SPMAP2L: variants seen among roughly 807,000 people sequenced by gnomAD.
The protein encoded by SPMAP2L is sperm microtubule associated protein 2 like.
the SPMAP2L span, among the ~76,000 whole-genome samples, chr4:56,534,005 G>A: frequency 6.6e-6 from 1 of 151,984 alleles, no homozygotes; most frequent in Non-Finnish European, 1.5e-5. Flanking sequence ...AACGACAACA[G>A]CAAAATGCAC....
chr4:56,600,098 T>C, the SPMAP2L span, among the ~76,000 whole-genome samples: 1 of 62,292 alleles, frequency 1.6e-5, no homozygotes, highest in Non-Finnish European at 3.1e-5. Flanking sequence ...CTTTGCTTTC[T>C]TTTTTTTTTT....
chr4:56,567,380 C>T, the SPMAP2L span, among the ~76,000 whole-genome samples: 1 of 150,728 alleles, frequency 6.6e-6, no homozygotes, highest in Non-Finnish European at 1.5e-5. Flanking sequence ...GATTCTCCTG[C>T]CTCAGCCTCC....
the SPMAP2L span, among the ~76,000 whole-genome samples, chr4:56,597,220 A>G: frequency 5.9e-5 from 9 of 152,162 alleles, no homozygotes; most frequent in Admixed American, 3.9e-4. Flanking sequence ...AGTACATGCC[A>G]AAGTACTAAA....
chr4:56,600,233 G>A, the SPMAP2L span, among the ~76,000 whole-genome samples: 482 of 149,368 alleles, frequency 3.2e-3, 3 homozygotes, highest in African/African-American at 0.011. Context: ...ACAGGCACAA[G>A]CCATTGTGCT....
At chr4:56,605,853 A>G in the SPMAP2L span, among the ~76,000 whole-genome samples, 5 of 152,164 alleles carry the variant, frequency 3.3e-5, no homozygotes, top group Non-Finnish European at 7.4e-5. Flanking sequence ...CATAAACCCT[A>G]TATCTAATTA....
the SPMAP2L span, chr4:56,557,807 A>T: frequency 6.6e-6 from 1 of 152,216 alleles, no homozygotes; most frequent in Non-Finnish European, 1.5e-5. Flanking sequence ...TGGACCATAG[A>T]AGATTACATT....
chr4:56,625,429 A>T, the SPMAP2L span, among the ~76,000 whole-genome samples: 1 of 152,056 alleles, frequency 6.6e-6, no homozygotes, highest in African/African-American at 2.4e-5. Context: ...AGCACATGAG[A>T]TTTGGAGGGG....
At chr4:56,570,598 A>C in the SPMAP2L span, among the ~76,000 whole-genome samples, 1 of 152,166 alleles carries the variant, frequency 6.6e-6, no homozygotes, top group Non-Finnish European at 1.5e-5. Flanking sequence ...ATTCACTAAG[A>C]ATGGAGCTTG....
chr4:56,588,760 T>G, the SPMAP2L span, among the ~76,000 whole-genome samples: 4 of 152,114 alleles, frequency 2.6e-5, no homozygotes, highest in Admixed American at 2.0e-4. Context: ...GTTTCAGGTC[T>G]TAGGTTTAAG....
At chr4:56,572,840 A>T in the SPMAP2L span, among the ~76,000 whole-genome samples, 11 of 152,194 alleles carry the variant, frequency 7.2e-5, no homozygotes, top group South Asian at 8.3e-4. Context: ...ACATGGCAAA[A>T]CCCTGTCTAT....
the SPMAP2L span, chr4:56,594,873 G>A: frequency 7.9e-5 from 127 of 1,609,916 alleles, no homozygotes; most frequent in Non-Finnish European, 9.4e-5. Flanking sequence ...GGAATCTGTC[G>A]CCCTGGAGAC....
chr4:56,613,333 T>C, the SPMAP2L span, among the ~76,000 whole-genome samples: 1 of 152,162 alleles, frequency 6.6e-6, no homozygotes, highest in Non-Finnish European at 1.5e-5. Flanking sequence ...TGCTAGGACT[T>C]CCAGGATGCT....
the SPMAP2L span, among the ~76,000 whole-genome samples, chr4:56,562,818 T>C: frequency 4.0e-5 from 6 of 149,302 alleles, no homozygotes; most frequent in Non-Finnish European, 8.9e-5. Context: ...TTTACATATA[T>C]AGCCTGCTTA....
At chr4:56,595,691 A>T in the SPMAP2L span, 1 of 1,091,040 alleles carries the variant, frequency 9.2e-7, no homozygotes, top group Non-Finnish European at 1.4e-6. Flanking sequence ...ATGAGTTGCC[A>T]TTTTCTGAAC....
the SPMAP2L span, among the ~76,000 whole-genome samples, chr4:56,584,142 G>GT: frequency 2.0e-5 from 3 of 151,786 alleles, no homozygotes; most frequent in African/African-American, 7.3e-5. Context: ...AATTTTTTTA[G>GT]TTTTTGTAGA....
chr4:56,551,574 A>G, the SPMAP2L span, among the ~76,000 whole-genome samples: 3 of 152,032 alleles, frequency 2.0e-5, no homozygotes, highest in Non-Finnish European at 2.9e-5. Context: ...TTTTTATTCT[A>G]TTTGTCTGAC....
the SPMAP2L span, among the ~76,000 whole-genome samples, chr4:56,625,162 G>A: frequency 6.6e-6 from 1 of 152,110 alleles, no homozygotes; most frequent in Admixed American, 6.6e-5. Context: ...TGCCCTGCTG[G>A]GTTTCAGACT....
At chr4:56,546,175 G>GTATTTA in the SPMAP2L span, among the ~76,000 whole-genome samples, 3,675 of 152,212 alleles carry the variant, frequency 0.024, 146 homozygotes, top group African/African-American at 0.078. Flanking sequence ...CATTTATAGT[G>GTATTTA]CTGTGTTTTG....
At chr4:56,595,294 GAT>G in the SPMAP2L span, 1 of 1,612,832 alleles carries the variant, frequency 6.2e-7, no homozygotes, top group Non-Finnish European at 8.5e-7. Context: ...TGAGGCAGTG[GAT>G]GTGGCCAAGA....
Sources: gnomAD v4.1 joint callset for allele counts (sites outside exome capture counted in the v4.1 genomes callset) on GRCh38, gnomAD v4.1.1 for gene constraint, MANE v1.5 for transcripts, NCBI Gene and HGNC (gene_info 2026-07-23, HGNC 2026-07-21) for gene names.